MAP2K5: variants seen among roughly 807,000 people sequenced by gnomAD.
The protein encoded by MAP2K5 is dual specificity mitogen-activated protein kinase kinase 5.
MAP2K5 carries 49 observed loss-of-function variants against 83.1 expected under a neutral mutation model. The observed-to-expected ratio is 0.59, with a 90% CI of 0.47 to 0.75. The LOEUF is 0.75. Among genes scored for constraint, MAP2K5 ranks in the 30% least tolerant of loss-of-function variants. The probability of loss-of-function intolerance (pLI) is 0.00; values close to 1 mark genes in which losing one functional copy is unlikely to be tolerated. For synonymous variants in MAP2K5, 202 were observed against 191.8 expected (o/e 1.05, Z -0.44); for missense variants, 457 against 557.5 (o/e 0.82, Z 1.82).
At chr15:67,646,185 A>G (rs2086827640) in intron 9 of MAP2K5, 46 bp from the exon 10 acceptor site, 2 of 779,012 alleles carry the variant, frequency 2.6e-6, no homozygotes, top group East Asian at 5.5e-5. Context: ...GATTATAACT[A>G]ATATAATTAG....
chr15:67,759,967 G>C (rs1166816524), intron 19 of MAP2K5, among the ~76,000 whole-genome samples: 1 of 152,226 alleles, frequency 6.6e-6, no homozygotes, highest in African/African-American at 2.4e-5. Flanking sequence ...AACTAGACCT[G>C]TGTTTCAAAG....
intron 9 of MAP2K5, among the ~76,000 whole-genome samples, chr15:67,633,586 G>A (rs2086524677): frequency 6.6e-6 from 1 of 152,214 alleles, no homozygotes; most frequent in Non-Finnish European, 1.5e-5. Flanking sequence ...AGTAGAGACT[G>A]TCAGTAAATG....
intron 7 of MAP2K5, among the ~76,000 whole-genome samples, chr15:67,596,274 T>G (rs1283570420): frequency 6.6e-6 from 1 of 152,020 alleles, no homozygotes; most frequent in Non-Finnish European, 1.5e-5. Flanking sequence ...TACAAAAAAT[T>G]TGCTGGGTGT....
At chr15:67,601,442 A>G (rs2085656295) in intron 8 of MAP2K5, among the ~76,000 whole-genome samples, 1 of 152,224 alleles carries the variant, frequency 6.6e-6, no homozygotes, top group African/African-American at 2.4e-5. Flanking sequence ...TGGTGTATGA[A>G]AAATATTCCA....
At chr15:67,693,100 G>T (rs1339984128) in intron 14 of MAP2K5, among the ~76,000 whole-genome samples, 1 of 152,190 alleles carries the variant, frequency 6.6e-6, no homozygotes, top group Non-Finnish European at 1.5e-5. Flanking sequence ...ATTATGAGTT[G>T]TCAAAGTCTG....
At chr15:67,546,587 TAG>T (rs1434214797) in intron 1 of MAP2K5, 1 of 985,424 alleles carries the variant, frequency 1.0e-6, no homozygotes, top group African/African-American at 1.7e-5. Context: ...CCCTCAAAGG[TAG>T]AGACATTTGG....
At chr15:67,756,087 G>A (rs757873198) in intron 19 of MAP2K5, among the ~76,000 whole-genome samples, 4 of 152,220 alleles carry the variant, frequency 2.6e-5, no homozygotes, top group Non-Finnish European at 4.4e-5. Flanking sequence ...TCCTAGAGCT[G>A]TGGCTTGCCA....
At position 67,761,583 on chromosome 15, in the gene MAP2K5, G is replaced by A. The variant is rs575967517; in HGVS notation, c.1135-8019G>A. ...GTGAACATTCAGGAGGACATACAGT[G>A]TGGTGATGTGGACTTTGGATTTACA... On this transcript the variant is annotated intron_variant, in intron 19 of 21. Transcript: ENST00000178640. 1.3e-5 allele frequency among the ~76,000 whole-genome samples: 2 copies of A among 152,202 alleles called. 1 individual carries two copies. Among genetic ancestry groups the A allele is most frequent in the Non-Finnish European group, 2.9e-5 (2 of 68,040 alleles).
chr15:67,663,952 A>G (rs1351373579), intron 12 of MAP2K5, among the ~76,000 whole-genome samples: 2 of 152,110 alleles, frequency 1.3e-5, no homozygotes, highest in Non-Finnish European at 2.9e-5. Flanking sequence ...GAAAATTAAG[A>G]AAGCCATTTT....
Position 67,748,614 on chromosome 15 carries a change from C to T in MAP2K5, c.1134+13C>T. ...CATTGTTGATGAGGTGAGGCATCGT[C>T]TTATGTGCTTTCACTCCTAAAGTCA... is the stretch of plus-strand genomic sequence containing the variant. On this transcript the variant is annotated intron_variant, in intron 19 of 21. Coordinates refer to ENST00000178640, the MANE Select transcript of MAP2K5 (RefSeq NM_145160.3). This position sits in a 1 kb window ranked among gnomAD's most constrained non-coding sequence, Gnocchi z 4.0. 6.2e-7 allele frequency: 1 copy of T among 1,613,226 alleles called. No individual in the cohort carries two copies.
intron 9 of MAP2K5, among the ~76,000 whole-genome samples, chr15:67,643,815 C>T (rs980177301): frequency 1.3e-5 from 2 of 152,130 alleles, no homozygotes; most frequent in African/African-American, 4.8e-5. Context: ...AAATCAACGC[C>T]TGGCCAATGT....
rs2090325050 is a variant in MAP2K5, at chr15:67,781,339, T to C, written c.1242+8587T>C. On this transcript the variant is annotated intron_variant, in intron 21 of 21. Transcript: ENST00000178640. This position sits in a 1 kb window ranked among gnomAD's most constrained non-coding sequence, Gnocchi z 4.0. ...TTACAGTTGTGCCAGCTGGATTTGTTTAATGGGTTGTTTGCTTTTTAATTT... is the reference window on the plus strand; with the variant it reads ...TTACAGTTGTGCCAGCTGGATTTGTCTAATGGGTTGTTTGCTTTTTAATTT... Among the ~76,000 whole-genome samples the C allele has an allele frequency of 6.6e-6, 1 of 152,206 alleles. No individual in the cohort carries two copies.
chr15:67,792,748 C>G (rs1326800263), intron 21 of MAP2K5, among the ~76,000 whole-genome samples: 3 of 152,290 alleles, frequency 2.0e-5, no homozygotes, highest in East Asian at 3.9e-4. Context: ...CTTTTCCGCC[C>G]CCCGCTTTGA....
At chr15:67,733,392 T>TA (rs2141253954) in intron 17 of MAP2K5, among the ~76,000 whole-genome samples, 1 of 152,212 alleles carries the variant, frequency 6.6e-6, no homozygotes, top group East Asian at 1.9e-4. Context: ...TGATAAGTAG[T>TA]AAAAAAGGAT....
At chr15:67,612,078 T>C (rs961812189) in intron 8 of MAP2K5, among the ~76,000 whole-genome samples, 7 of 151,106 alleles carry the variant, frequency 4.6e-5, no homozygotes, top group African/African-American at 9.7e-5. Context: ...GTTTTCTTTT[T>C]TTTTTTTTTT....
intron 3 of MAP2K5, among the ~76,000 whole-genome samples, chr15:67,569,835 C>T (rs921081900): frequency 1.3e-5 from 2 of 152,188 alleles, no homozygotes; most frequent in African/African-American, 4.8e-5. Flanking sequence ...TCAGTTCCAT[C>T]TCTGTGGAGG....
At chr15:67,630,455 A>T (rs897982443) in intron 8 of MAP2K5, among the ~76,000 whole-genome samples, 7 of 152,016 alleles carry the variant, frequency 4.6e-5, no homozygotes, top group Non-Finnish European at 1.0e-4. Flanking sequence ...ATAAGCAAAA[A>T]AAATGGGAAA....
At chr15:67,792,667 T>C (rs2141334372) in intron 21 of MAP2K5, among the ~76,000 whole-genome samples, 1 of 152,194 alleles carries the variant, frequency 6.6e-6, no homozygotes, top group East Asian at 1.9e-4. Flanking sequence ...TCCAAGATTA[T>C]GTCATTGGAT....
intron 19 of MAP2K5, among the ~76,000 whole-genome samples, chr15:67,756,967 C>G (rs1464783836): frequency 6.6e-6 from 1 of 152,068 alleles, no homozygotes; most frequent in Admixed American, 6.5e-5. Flanking sequence ...GGGTTGTCTT[C>G]CTATCTTGGC....
Sources: gnomAD v4.1 joint callset for allele counts (sites outside exome capture counted in the v4.1 genomes callset) on GRCh38, gnomAD v4.1.1 for gene constraint, Gnocchi (gnomAD v3.1) non-coding constraint, MANE v1.5 for transcripts, NCBI Gene and HGNC (gene_info 2026-07-23, HGNC 2026-07-21) for gene names.